The following TREML1 variants were observed in gnomAD, a reference collection of about 807,000 sequenced individuals.
TREML1 encodes the protein triggering receptor expressed on myeloid cells like 1, also known as trem-like transcript 1 protein.
In TREML1, 27 loss-of-function variants were observed where a neutral mutation model predicts 22.8. The ratio of observed to expected loss-of-function variants is 1.19; its 90% CI spans 0.87 to 1.64. The LOEUF (loss-of-function observed/expected upper bound fraction) is 1.64, where lower values mean the gene tolerates loss of function less well. TREML1 is among the 40% of genes most tolerant of loss of function. The pLI is 0.00. For missense variants in TREML1, 356 were observed against 382.0 expected (o/e 0.93, Z 0.57); for synonymous variants, 153 against 161.9 (o/e 0.94, Z 0.42).
chr6:41,154,022 A>G lies in TREML1; in HGVS notation c.112T>C (p.Cys38Arg), dbSNP rs780962610. Residue 38 changes from cysteine to arginine, a missense_variant, in exon 2 of 6, where the codon TGC becomes CGC. Coordinates refer to ENST00000426005, the MANE Select transcript of TREML1 (RefSeq NM_178174.4). ...TTGACATCCTGGAGCCTGTAGTGGCACTGCACCAGAATGGAGCTTCCCACG... is the reference window on the plus strand; with the variant it reads ...TTGACATCCTGGAGCCTGTAGTGGCGCTGCACCAGAATGGAGCTTCCCACG... ...APVGSSILVQ[C>R]HYRLQDVKAQ... 4 of 1,614,024 alleles carry G rather than the reference A, an allele frequency of 2.5e-6. No individual in the cohort carries two copies. The highest frequency in any genetic ancestry group is 3.4e-6 in the Non-Finnish European group (4 of 1,180,044).
rs1561873039 is a variant in TREML1, at chr6:41,150,916, CA to C, written c.480-10del. The C allele has an allele frequency of 5.0e-6, 8 of 1,613,700 alleles. No individual in the cohort carries two copies. Among genetic ancestry groups the C allele is most frequent in the Non-Finnish European group, 6.8e-6 (8 of 1,179,692 alleles). On this transcript the variant is annotated splice_polypyrimidine_tract_variant and intron_variant, in intron 3 of 5. Transcript: ENST00000426005. ...CCCAGATCAAGGGGATGCTGAGGAA[CA>C]GAAAGGGATAGGCAGGCTTAGACCT...
At position 41,154,066 on chromosome 6, in the gene TREML1, G is replaced by A. The variant is rs1158030899; in HGVS notation, c.68C>T (p.Pro23Leu). Residue 23 changes from proline (P) to leucine (L), a missense_variant, in exon 2 of 6, where the codon CCT becomes CTT. Pro to Leu is a moderately conservative substitution (Grantham distance 98, BLOSUM62 -3). Transcript: ENST00000426005. The part of the protein sequence containing the change: ...LEGQGIVGSL[P>L]EVLQAPVGSS... ...TCCCACGGGTGCCTGCAGCACCTCA[G>A]GGAGGCTGCCAACTATGCCCTGACC... 1 of 1,613,420 alleles carries A rather than the reference G, an allele frequency of 6.2e-7. No individual in the cohort carries two copies. The highest frequency in any genetic ancestry group is 1.7e-5 in the Admixed American group (1 of 59,976).
At position 41,149,385 on chromosome 6, in the gene TREML1, G is replaced by A. The variant is rs1582065340; in HGVS notation, c.*219C>T. ...GGTTTATTTAGCCCAGTGTGTAATG[G>A]TAGAAGAACCAGTGGGGGAGTTGGG... On this transcript the variant is annotated 3_prime_UTR_variant, in exon 6 of 6. Coordinates refer to ENST00000426005, the MANE Select transcript of TREML1 (RefSeq NM_178174.4). 3.7e-6 allele frequency: 2 copies of A among 545,760 alleles called. No individual in the cohort carries two copies. Among genetic ancestry groups the A allele is most frequent in the Admixed American group, 3.2e-5 (1 of 31,054 alleles). The allele number at this position is 545,760 out of a possible 1,614,324, so 33.8% of individuals were successfully genotyped here. A position where few individuals can be genotyped will look rare whatever the true frequency, so the allele number is the denominator to read the frequency against.
rs746955993 is a variant in TREML1, at chr6:41,149,696, C to T, written c.844G>A (p.Ala282Thr). The change falls in exon 6 of 6, where the codon GCC (alanine) becomes ACC (threonine). Residue 282 changes from alanine to threonine, a missense_variant. Ala to Thr is a moderately conservative substitution (Grantham distance 58). Transcript: ENST00000426005. The part of the protein sequence containing the change: ...VLVCSKPVTY[A>T]TVIFPGGNKG... ...TTCCCTCCCGGGAAGATTACTGTGG[C>T]ATATGTCACAGGCTTGGAGCAGACC... is the stretch of plus-strand genomic sequence containing the variant. 2.5e-6 allele frequency: 4 copies of T among 1,614,164 alleles called. No homozygotes were observed. In the South Asian group the frequency reaches 4.4e-5, roughly 18 times the overall value.
At chr6:41,153,721 A>G in intron 2 of TREML1, 37 bp downstream of exon 2, 1 of 1,537,860 alleles carries the variant, frequency 6.5e-7, no homozygotes, top group Non-Finnish European at 8.8e-7. Context: ...TGGGGAGGGT[A>G]GGTCTAAGGG....
Position 41,149,513 on chromosome 6 carries a change from A to C in TREML1, c.*91T>G. 7.2e-7 allele frequency: 1 copy of C among 1,386,630 alleles called. No homozygotes were observed. The highest frequency in any genetic ancestry group is 9.9e-7 in the Non-Finnish European group (1 of 1,013,654). 85.9% of individuals were successfully genotyped at this position (1,386,630 alleles called of 1,614,324 possible). A position where few individuals can be genotyped will look rare whatever the true frequency, so the allele number is the denominator to read the frequency against. ...GATCTTAAAGTCCCTGGTTGCTCAG[A>C]TATCCTAAGGATCCTAGGGCATGAG... On this transcript the variant is annotated 3_prime_UTR_variant, in exon 6 of 6. Transcript: ENST00000426005.
chr6:41,154,401 G>T, upstream of TREML1: 1 of 855,928 alleles, frequency 1.2e-6, no homozygotes, highest in Non-Finnish European at 1.9e-6. Flanking sequence ...GAAAGGAAAT[G>T]ATGGGCACCT....
At chr6:41,153,197 G>A (rs1381755448) in intron 2 of TREML1, among the ~76,000 whole-genome samples, 3 of 150,476 alleles carry the variant, frequency 2.0e-5, no homozygotes, top group Non-Finnish European at 4.4e-5. Flanking sequence ...AAGAATATTG[G>A]CTTAAAATAT....
chr6:41,154,971 CATCTCATTTTCATATCTTTTCT>C (rs1162035697), upstream of TREML1, among the ~76,000 whole-genome samples: 1 of 151,968 alleles, frequency 6.6e-6, no homozygotes, highest in Admixed American at 6.5e-5. Context: ...GTCGTGTGTT[CATCTCATTTTCATATCTTTTCT>C]ATCTCATTTT....
At chr6:41,151,924 G>A (rs894932967) in intron 2 of TREML1, among the ~76,000 whole-genome samples, 3 of 152,192 alleles carry the variant, frequency 2.0e-5, no homozygotes, top group African/African-American at 7.2e-5. Context: ...CTCATGTGAT[G>A]CAACACAAAC....
chr6:41,149,616 A>G lies in TREML1; in HGVS notation c.924T>C (p.Thr308=). The change falls in exon 6 of 6, where the codon ACT becomes ACC. Residue 308 remains threonine (T), a synonymous_variant. Transcript: ENST00000426005. ...TGTGATGAGCAGCTTAGCTGGATGGAGTCTGATTGTTAGGTGGATTCTGGG... is the reference window on the plus strand; with the variant it reads ...TGTGATGAGCAGCTTAGCTGGATGGGGTCTGATTGTTAGGTGGATTCTGGG... ...GPAQNPPNNQ[T]PSS 1 of 1,611,278 alleles carries G rather than the reference A, an allele frequency of 6.2e-7. No individual in the cohort carries two copies. The highest frequency in any genetic ancestry group is 1.7e-5 in the Admixed American group (1 of 59,938).
In TREML1 at chr6:41,149,849, G is replaced by A. The variant is rs150842398; in HGVS notation, c.691C>T (p.His231Tyr). 41 of 1,614,178 alleles carry A rather than the reference G, an allele frequency of 2.5e-5. No individual in the cohort carries two copies. In the African/African-American group the frequency reaches 5.2e-4, roughly 20 times the overall value. ...PAAELPLDVP[H>Y]IRLDSPPSFD... ...GAAGGTGGTGAGTCAAGCCTAATGT[G>A]TGGTACATCCAAAGGCAATTCAGCA... Residue 231 changes from histidine to tyrosine, a missense_variant, in exon 6 of 6, where the codon CAC becomes TAC. Transcript: ENST00000426005.
chr6:41,149,622 ATTGT>A lies in TREML1; in HGVS notation c.914_917del (p.Asn305IlefsTer13). ...GAGCAGCTTAGCTGGATGGAGTCTG[ATTGT>A]TAGGTGGATTCTGGGCTGGCCCACA... On this transcript the variant is annotated frameshift_variant, in exon 6 of 6. Coordinates refer to ENST00000426005, the MANE Select transcript of TREML1 (RefSeq NM_178174.4). LOFTEE classifies it high-confidence loss of function. 6.2e-7 allele frequency: 1 copy of A among 1,612,280 alleles called. No homozygotes were observed. The highest frequency in any genetic ancestry group is 8.5e-7 in the Non-Finnish European group (1 of 1,178,676).
chr6:41,153,697 G>T (rs1173299279), intron 2 of TREML1, 61 bp downstream of exon 2: 1 of 1,493,666 alleles, frequency 6.7e-7, no homozygotes, highest in Non-Finnish European at 9.0e-7. Context: ...ATGAGCCCTG[G>T]CAATAGGCGG....
intron 2 of TREML1, among the ~76,000 whole-genome samples, chr6:41,152,004 A>G (rs768364280): frequency 6.6e-6 from 1 of 152,266 alleles, no homozygotes; most frequent in Non-Finnish European, 1.5e-5. Context: ...TCTGTCACCC[A>G]TATGATGTGC....
rs1261806593 is a variant in TREML1, at chr6:41,150,337, A to G, written c.569-24T>C. The G allele has an allele frequency of 5.0e-6, 8 of 1,613,014 alleles. No homozygotes were observed. In the Admixed American group the frequency reaches 1.3e-4, roughly 27 times the overall value. ...CCCTGGCAGGACAGACAACAGCAGC[A>G]TAGTCTGCTTCCGGGGCTGGCTCAG... On this transcript the variant is annotated intron_variant, in intron 4 of 5. Transcript: ENST00000426005.
intron 4 of TREML1, 98 bp from the exon 5 acceptor site, chr6:41,150,411 T>C: frequency 1.8e-6 from 2 of 1,133,762 alleles, no homozygotes; most frequent in Non-Finnish European, 2.6e-6. Flanking sequence ...ACCTCTTCAC[T>C]ACTGCAGACT....
intron 2 of TREML1, among the ~76,000 whole-genome samples, chr6:41,153,402 T>G (rs1765323986): frequency 6.6e-6 from 1 of 151,610 alleles, no homozygotes; most frequent in Non-Finnish European, 1.5e-5. Flanking sequence ...AAATTAATTC[T>G]GGTTTTATAC....
At chr6:41,154,643 A>G (rs1370979450), upstream of TREML1, among the ~76,000 whole-genome samples, 1 of 152,228 alleles carries the variant, frequency 6.6e-6, no homozygotes, top group East Asian at 1.9e-4. Context: ...CTGAGGGTGC[A>G]CAGCTATGAA....
Sources: gnomAD v4.1 joint callset for allele counts (sites outside exome capture counted in the v4.1 genomes callset) on GRCh38, gnomAD v4.1.1 for gene constraint, MANE v1.5 for transcripts, NCBI Gene and HGNC (gene_info 2026-07-23, HGNC 2026-07-21) for gene names.